Variants in TMC7 observed in about 807,000 individuals in gnomAD.
The protein encoded by TMC7 is transmembrane channel like 7, also known as transmembrane channel-like protein 7.
In TMC7, 54 loss-of-function variants were observed where a neutral mutation model predicts 82.9. That is an observed-to-expected ratio of 0.65 (90% CI 0.52 to 0.82). TMC7 has a LOEUF of 0.82. TMC7 is among the 40% of genes least tolerant of loss of function. The pLI, the probability that TMC7 is intolerant of heterozygous loss-of-function variation, is 0.00. For missense variants in TMC7, 820 were observed against 901.2 expected (o/e 0.91, Z 1.15); for synonymous variants, 350 against 337.9 (o/e 1.04, Z -0.39).
chr16:18,993,261 ACTCCAAGAGGGAGTCAAGAGTGGAGGAT>A (rs1245972227), intron 1 of TMC7, among the ~76,000 whole-genome samples: 1 of 152,092 alleles, frequency 6.6e-6, no homozygotes, highest in African/African-American at 2.4e-5. Flanking sequence ...TCATCTATCC[ACTCCAAGAGGGAGTCAAGAGTGGAGGAT>A]TGGGGATAGA....
At chr16:19,018,380 G>A (rs933500693) in intron 3 of TMC7, among the ~76,000 whole-genome samples, 3 of 152,218 alleles carry the variant, frequency 2.0e-5, no homozygotes, top group East Asian at 1.9e-4. Flanking sequence ...TTGGAGGCTC[G>A]AACAGGCCTT....
At chr16:18,984,244 C>T (rs2038803084) in intron 1 of TMC7, 114 bp downstream of exon 1, 2 of 1,343,224 alleles carry the variant, frequency 1.5e-6, no homozygotes, top group Non-Finnish European at 1.9e-6. Context: ...CCCCCGACGC[C>T]GGGTGCTCCC....
chr16:19,003,386 G>A (rs1483469483), intron 1 of TMC7, among the ~76,000 whole-genome samples: 2 of 146,646 alleles, frequency 1.4e-5, no homozygotes, highest in African/African-American at 5.2e-5. Flanking sequence ...CCGGCCAGCC[G>A]CCCCGTCCGG....
chr16:19,048,455 C>G lies in TMC7; in HGVS notation c.1740+1206C>G, dbSNP rs541801023. 8.5e-5 allele frequency among the ~76,000 whole-genome samples: 13 copies of G among 152,070 alleles called. No individual in the cohort carries two copies. In the East Asian group the frequency reaches 2.3e-3, roughly 27 times the overall value. On this transcript the variant is annotated intron_variant, in intron 12 of 15. Coordinates refer to ENST00000304381, the MANE Select transcript of TMC7 (RefSeq NM_024847.4). ...TTATTTTTTGAGATGGAGTTTTGCT[C>G]TTGTTGCCCAGGTTGGAGTGCAATG...
chr16:18,999,796 C>A (rs545477682), intron 1 of TMC7, among the ~76,000 whole-genome samples: 1 of 152,234 alleles, frequency 6.6e-6, no homozygotes, highest in Admixed American at 6.5e-5. Flanking sequence ...TAGAGTCTCG[C>A]CCTGTTGCCC....
intron 5 of TMC7, among the ~76,000 whole-genome samples, chr16:19,026,089 A>C (rs1426283100): frequency 6.7e-6 from 1 of 150,326 alleles, no homozygotes; most frequent in Non-Finnish European, 1.5e-5. Flanking sequence ...TTTTGAAAAA[A>C]CCCTTTTACA....
chr16:19,019,253 G>A (rs1463049455), intron 3 of TMC7, among the ~76,000 whole-genome samples: 1 of 152,174 alleles, frequency 6.6e-6, no homozygotes, highest in African/African-American at 2.4e-5. Flanking sequence ...ATAAACAAAG[G>A]AAATGATTGT....
intron 13 of TMC7, among the ~76,000 whole-genome samples, chr16:19,055,041 C>T (rs1411512801): frequency 1.3e-5 from 2 of 151,770 alleles, no homozygotes; most frequent in African/African-American, 4.8e-5. Flanking sequence ...AGCCACCGCA[C>T]CTGGCCATAT....
Position 19,009,204 on chromosome 16 carries a change from TCTC to T in TMC7, c.102_104del (p.Pro36del). ...CTCTCTAGACTCCAGTTGCTTCTCTTCTCCACCTGTGAACTTCCTCCAAGAATT... is the reference window on the plus strand; with the variant it reads ...CTCTCTAGACTCCAGTTGCTTCTCTTCACCTGTGAACTTCCTCCAAGAATT... On this transcript the variant is annotated inframe_deletion, in exon 2 of 16. Transcript: ENST00000304381. 6.2e-7 allele frequency: 1 copy of T among 1,614,140 alleles called. No homozygotes were observed. The highest frequency in any genetic ancestry group is 1.1e-5 in the South Asian group (1 of 91,074).
intron 12 of TMC7, chr16:19,049,569 G>T: frequency 1.1e-6 from 1 of 935,196 alleles, no homozygotes; most frequent in Non-Finnish European, 1.3e-6. Flanking sequence ...AGGAGAGATG[G>T]ACGTGAGAAA....
chr16:19,024,458 ACT>A (rs1333244343), intron 5 of TMC7, among the ~76,000 whole-genome samples: 1 of 151,984 alleles, frequency 6.6e-6, no homozygotes, highest in Non-Finnish European at 1.5e-5. Context: ...TTTTTATTTC[ACT>A]TTTTTCATCA....
chr16:19,056,501 C>T, intron 13 of TMC7, 41 bp from the exon 14 acceptor site: 1 of 1,599,062 alleles, frequency 6.3e-7, no homozygotes, highest in South Asian at 1.1e-5. Context: ...TCAACCTGTG[C>T]TGCACGCTCC....
At chr16:19,016,342 G>C in intron 2 of TMC7, 108 bp from the exon 3 acceptor site, 1 of 1,371,258 alleles carries the variant, frequency 7.3e-7, no homozygotes, top group Non-Finnish European at 1.0e-6. Flanking sequence ...CACCTGCCTC[G>C]GCCTCCCAGA....
chr16:19,030,133 TG>T, intron 5 of TMC7, 90 bp from the exon 6 acceptor site: 1 of 1,353,834 alleles, frequency 7.4e-7, no homozygotes, highest in Non-Finnish European at 1.0e-6. Context: ...AAGGGGACAC[TG>T]GAACTTGTGT....
chr16:19,036,502 C>T (rs532937171), intron 7 of TMC7, among the ~76,000 whole-genome samples: 29 of 149,890 alleles, frequency 1.9e-4, no homozygotes, highest in South Asian at 4.2e-4. Flanking sequence ...AGCGAGACTC[C>T]GTCTCAAAAA....
chr16:19,057,277 T>G (rs1961818855), intron 14 of TMC7, among the ~76,000 whole-genome samples: 1 of 152,204 alleles, frequency 6.6e-6, no homozygotes, highest in South Asian at 2.1e-4. Context: ...ATTATTAACA[T>G]TACTGTTTAT....
At chr16:19,009,106 T>C in intron 1 of TMC7, 66 bp from the exon 2 acceptor site, 1 of 1,559,988 alleles carries the variant, frequency 6.4e-7, no homozygotes. Context: ...ATGTCCAAGA[T>C]CCAAGTTTCC....
chr16:19,015,555 G>A (rs966855028), intron 2 of TMC7, among the ~76,000 whole-genome samples: 12 of 151,248 alleles, frequency 7.9e-5, no homozygotes, highest in Non-Finnish European at 1.8e-4. Context: ...ATGCTGCTAC[G>A]AACACTCAAG....
intron 15 of TMC7, chr16:19,059,720 AATC>A: frequency 1.3e-6 from 2 of 1,511,870 alleles, no homozygotes; most frequent in Non-Finnish European, 1.8e-6. Context: ...TCATGCCTGT[AATC>A]CCAGCACTTT....
Sources: gnomAD v4.1 joint callset for allele counts (sites outside exome capture counted in the v4.1 genomes callset) on GRCh38, gnomAD v4.1.1 for gene constraint, MANE v1.5 for transcripts, NCBI Gene and HGNC (gene_info 2026-07-23, HGNC 2026-07-21) for gene names.